Variants in DPP6 observed in about 807,000 individuals in gnomAD.
DPP6 encodes dipeptidyl peptidase like 6.
A neutral mutation model predicts 122.6 loss-of-function variants in DPP6; 69 were observed. The observed-to-expected ratio is 0.56, with a 90% CI of 0.46 to 0.69. The LOEUF (loss-of-function observed/expected upper bound fraction) is 0.69, where lower values mean the gene tolerates loss of function less well. Ranked by LOEUF, DPP6 falls within the 30% of genes least tolerant of loss-of-function variation. The pLI is 0.00. For missense variants in DPP6, 928 were observed against 1,116.9 expected (o/e 0.83, Z 2.41); for synonymous variants, 418 against 433.1 (o/e 0.97, Z 0.43).
chr7:153,847,226 G>C, the DPP6 span, among the ~76,000 whole-genome samples: 3 of 152,208 alleles, frequency 2.0e-5, no homozygotes, highest in Admixed American at 6.5e-5. Context: ...TGAAAGAATG[G>C]CTACTCCATA....
chr7:154,830,139 A>C (rs566090011), intron 16 of DPP6, among the ~76,000 whole-genome samples: 37 of 152,176 alleles, frequency 2.4e-4, no homozygotes, highest in Admixed American at 2.4e-3. Context: ...TGAGTCTTCC[A>C]GCTATGCCTT....
At chr7:154,526,999 C>G (rs1363242995) in intron 3 of DPP6, among the ~76,000 whole-genome samples, 1 of 152,136 alleles carries the variant, frequency 6.6e-6, no homozygotes, top group Non-Finnish European at 1.5e-5. Context: ...ACTGCAGAAG[C>G]CCAAAAGGGA....
intron 1 of DPP6, among the ~76,000 whole-genome samples, chr7:153,904,352 AGTTATTC>A (rs1236631297): frequency 6.6e-6 from 1 of 152,040 alleles, no homozygotes. Context: ...ACACCTGGCC[AGTTATTC>A]TTTGATTCTC....
intron 7 of DPP6, among the ~76,000 whole-genome samples, chr7:154,714,679 G>A (rs927518418): frequency 2.0e-5 from 3 of 152,158 alleles, no homozygotes; most frequent in Non-Finnish European, 2.9e-5. Context: ...AGAATTATGG[G>A]AGCTACAATT....
chr7:154,256,600 G>A (rs1197469134), intron 1 of DPP6, among the ~76,000 whole-genome samples: 1 of 152,160 alleles, frequency 6.6e-6, no homozygotes, highest in Non-Finnish European at 1.5e-5. Flanking sequence ...CAGTGGCTCT[G>A]CCTTCTTTTG....
chr7:154,655,145 G>C (rs1280745966), intron 6 of DPP6, among the ~76,000 whole-genome samples: 1 of 152,174 alleles, frequency 6.6e-6, no homozygotes, highest in Non-Finnish European at 1.5e-5. Flanking sequence ...CACTGAGAAT[G>C]CTATTTTTTG....
intron 1 of DPP6, among the ~76,000 whole-genome samples, chr7:154,291,642 G>A (rs1195757926): frequency 6.6e-6 from 1 of 152,174 alleles, no homozygotes; most frequent in Non-Finnish European, 1.5e-5. Context: ...GAATTTCTAA[G>A]TTCAGGTTCC....
chr7:154,293,192 T>C (rs1325719932), intron 1 of DPP6, among the ~76,000 whole-genome samples: 2 of 152,240 alleles, frequency 1.3e-5, no homozygotes, highest in Non-Finnish European at 2.9e-5. Flanking sequence ...ACTTAAGATA[T>C]AAGTCATAGG....
chr7:154,343,484 G>A (rs968509417), intron 1 of DPP6, among the ~76,000 whole-genome samples: 1 of 152,240 alleles, frequency 6.6e-6, no homozygotes, highest in Non-Finnish European at 1.5e-5. Flanking sequence ...AATCACACCC[G>A]TGCACATGTA....
At chr7:154,873,969 CATAAG>C (rs1563309311) in intron 19 of DPP6, among the ~76,000 whole-genome samples, 1 of 107,612 alleles carries the variant, frequency 9.3e-6, no homozygotes, top group Non-Finnish European at 2.0e-5. Flanking sequence ...CACCTGCATA[CATAAG>C]CACACACATG....
the DPP6 span, among the ~76,000 whole-genome samples, chr7:153,826,319 A>AT: frequency 2.6e-5 from 4 of 152,334 alleles, no homozygotes; most frequent in African/African-American, 9.6e-5. Flanking sequence ...AACCAAAGTG[A>AT]ACACACATTT....
At chr7:154,024,725 T>C (rs1798889694) in intron 1 of DPP6, among the ~76,000 whole-genome samples, 1 of 152,234 alleles carries the variant, frequency 6.6e-6, no homozygotes, top group African/African-American at 2.4e-5. Flanking sequence ...GCTAAGTAAC[T>C]GTACTGTCAT....
intron 5 of DPP6, among the ~76,000 whole-genome samples, chr7:154,586,065 A>T (rs1181178420): frequency 2.0e-5 from 3 of 152,010 alleles, no homozygotes; most frequent in Non-Finnish European, 4.4e-5. Context: ...GGAGCACAGT[A>T]TATGCAGTGG....
intron 6 of DPP6, among the ~76,000 whole-genome samples, chr7:154,666,776 T>C (rs917451272): frequency 1.9e-4 from 29 of 152,198 alleles, no homozygotes; most frequent in African/African-American, 6.8e-4. Flanking sequence ...TATTTGCAAC[T>C]ACAAATAAAA....
intron 1 of DPP6, among the ~76,000 whole-genome samples, chr7:154,077,143 C>G (rs577822792): frequency 7.9e-5 from 12 of 152,170 alleles, no homozygotes; most frequent in Non-Finnish European, 1.8e-4. Context: ...TAAGAATGTT[C>G]CTATTTGACT....
chr7:154,098,381 G>T (rs1381809643), intron 1 of DPP6, among the ~76,000 whole-genome samples: 3 of 152,202 alleles, frequency 2.0e-5, no homozygotes, highest in Admixed American at 2.0e-4. Flanking sequence ...CCAGTATTAG[G>T]TATGTCTTTA....
intron 8 of DPP6, among the ~76,000 whole-genome samples, chr7:154,740,528 G>A (rs895574052): frequency 1.2e-4 from 18 of 152,134 alleles, no homozygotes; most frequent in African/African-American, 4.1e-4. Context: ...TCTTTTTCTT[G>A]TTCTGGAAGC....
intron 1 of DPP6, among the ~76,000 whole-genome samples, chr7:154,063,635 A>T (rs1321731767): frequency 1.0e-4 from 14 of 134,532 alleles, no homozygotes; most frequent in African/African-American, 1.7e-4. Flanking sequence ...AGGGACTGAG[A>T]GCCACTCCCT....
chr7:153,929,543 T>A (rs2129012525), intron 1 of DPP6, among the ~76,000 whole-genome samples: 1 of 151,644 alleles, frequency 6.6e-6, no homozygotes, highest in East Asian at 1.9e-4. Context: ...TTAAGATGGA[T>A]GAGCTGAGAA....
Sources: gnomAD v4.1 joint callset for allele counts (sites outside exome capture counted in the v4.1 genomes callset) on GRCh38, gnomAD v4.1.1 for gene constraint, MANE v1.5 for transcripts, NCBI Gene and HGNC (gene_info 2026-07-23, HGNC 2026-07-21) for gene names.